CNTNAP2: variants seen among roughly 807,000 people sequenced by gnomAD.
CNTNAP2 encodes the protein contactin associated protein 2.
A neutral mutation model predicts 155.2 loss-of-function variants in CNTNAP2; 98 were observed. The observed-to-expected ratio is 0.63, with a 90% CI of 0.54 to 0.75. The LOEUF is 0.75. Among genes scored for constraint, CNTNAP2 ranks in the 30% least tolerant of loss-of-function variants. CNTNAP2 has a pLI of 0.00. For missense variants in CNTNAP2, 1,727 were observed against 1,688.1 expected, an observed-to-expected ratio of 1.02 and a Z score of -0.40; for synonymous variants, 651 against 631.2, an observed-to-expected ratio of 1.03 and a Z score of -0.47.
At chr7:147,299,128 C>G (rs1794893451) in intron 8 of CNTNAP2, among the ~76,000 whole-genome samples, 1 of 152,126 alleles carries the variant, frequency 6.6e-6, no homozygotes, top group Non-Finnish European at 1.5e-5. Flanking sequence ...CAAAATACCC[C>G]CCACCCACCA....
At chr7:146,151,410 A>G (rs1336901759) in intron 1 of CNTNAP2, among the ~76,000 whole-genome samples, 1 of 151,520 alleles carries the variant, frequency 6.6e-6, no homozygotes, top group Non-Finnish European at 1.5e-5. Context: ...CCCACCCAAT[A>G]CATAGTAACC....
intron 1 of CNTNAP2, among the ~76,000 whole-genome samples, chr7:146,305,054 G>T (rs1800684644): frequency 6.6e-6 from 1 of 151,822 alleles, no homozygotes. Flanking sequence ...TCTTCCACTT[G>T]ATCAAATAGG....
intron 4 of CNTNAP2, among the ~76,000 whole-genome samples, chr7:147,077,876 G>T (rs1584822765): frequency 1.3e-5 from 2 of 152,180 alleles, no homozygotes; most frequent in Admixed American, 1.3e-4. Flanking sequence ...ATTAAAATAG[G>T]CTTCAAGATA....
intron 13 of CNTNAP2, among the ~76,000 whole-genome samples, chr7:147,799,815 A>G (rs1797956663): frequency 6.6e-6 from 1 of 152,216 alleles, no homozygotes; most frequent in Non-Finnish European, 1.5e-5. Context: ...ATCAGCCTGA[A>G]AGGAAGATTG....
At chr7:147,217,114 C>T (rs1469935824) in intron 8 of CNTNAP2, among the ~76,000 whole-genome samples, 4 of 151,930 alleles carry the variant, frequency 2.6e-5, no homozygotes, top group African/African-American at 9.7e-5. Flanking sequence ...ACTATCATGT[C>T]ATCAGAAAAA....
intron 1 of CNTNAP2, among the ~76,000 whole-genome samples, chr7:146,756,258 ACT>A (rs1239762429): frequency 6.6e-6 from 1 of 151,952 alleles, no homozygotes; most frequent in East Asian, 1.9e-4. Context: ...CAAGTGGTTA[ACT>A]CTAATTTGTT....
chr7:148,111,912 A>G (rs751170030), intron 15 of CNTNAP2, among the ~76,000 whole-genome samples: 88 of 152,340 alleles, frequency 5.8e-4, no homozygotes, highest in Non-Finnish European at 8.2e-4. Flanking sequence ...ATGAGAGTGT[A>G]GACCTAGGAA....
At chr7:146,869,062 A>G (rs1795256817) in intron 3 of CNTNAP2, among the ~76,000 whole-genome samples, 2 of 152,136 alleles carry the variant, frequency 1.3e-5, no homozygotes, top group South Asian at 4.1e-4. Flanking sequence ...GTGGAATACA[A>G]ATATTGAGAG....
intron 10 of CNTNAP2, among the ~76,000 whole-genome samples, chr7:147,422,153 T>C (rs1219447955): frequency 6.7e-6 from 1 of 148,158 alleles, no homozygotes; most frequent in African/African-American, 2.5e-5. Context: ...ATAGTATGTA[T>C]ATATACAGTA....
intron 14 of CNTNAP2, among the ~76,000 whole-genome samples, chr7:147,947,227 C>A (rs1201313639): frequency 2.0e-5 from 3 of 152,074 alleles, no homozygotes; most frequent in African/African-American, 7.2e-5. Flanking sequence ...GTCTCCTCTT[C>A]TCCAGTGGTT....
At chr7:146,532,943 T>C (rs781407708) in intron 1 of CNTNAP2, among the ~76,000 whole-genome samples, 2 of 150,644 alleles carry the variant, frequency 1.3e-5, no homozygotes, top group Non-Finnish European at 3.0e-5. Flanking sequence ...TAAATAAAAA[T>C]AAAAATAAAT....
chr7:147,802,144 C>T (rs1210606440), intron 13 of CNTNAP2, among the ~76,000 whole-genome samples: 10 of 150,660 alleles, frequency 6.6e-5, no homozygotes, highest in South Asian at 6.3e-4. Context: ...GACGGGGTCG[C>T]GGCCGGGCAG....
At chr7:147,255,637 A>G (rs1804306731) in intron 8 of CNTNAP2, among the ~76,000 whole-genome samples, 1 of 152,234 alleles carries the variant, frequency 6.6e-6, no homozygotes, top group Admixed American at 6.5e-5. Flanking sequence ...GCCATATAAA[A>G]AAAATGGAGA....
At chr7:146,626,248 C>T (rs1799417239) in intron 1 of CNTNAP2, among the ~76,000 whole-genome samples, 1 of 151,834 alleles carries the variant, frequency 6.6e-6, no homozygotes, top group African/African-American at 2.4e-5. Context: ...GGTATTTCAC[C>T]CTAATTCTAT....
At chr7:147,001,265 G>T (rs1798416120) in intron 3 of CNTNAP2, among the ~76,000 whole-genome samples, 1 of 151,976 alleles carries the variant, frequency 6.6e-6, no homozygotes, top group African/African-American at 2.4e-5. Context: ...TGTCGAAATT[G>T]ATGTTTCTTC....
At chr7:148,226,476 C>G (rs1427260528) in intron 19 of CNTNAP2, among the ~76,000 whole-genome samples, 1 of 152,094 alleles carries the variant, frequency 6.6e-6, no homozygotes, top group East Asian at 1.9e-4. Context: ...AAGGAACGAC[C>G]GTCTCCCAAT....
chr7:147,300,338 G>C (rs1794920918), intron 9 of CNTNAP2, 48 bp downstream of exon 9: 3 of 1,606,420 alleles, frequency 1.9e-6, no homozygotes, highest in Non-Finnish European at 8.5e-7. Context: ...CAAAAAATGA[G>C]GTTTCAAAAT....
intron 3 of CNTNAP2, among the ~76,000 whole-genome samples, chr7:146,901,149 C>G (rs1203536482): frequency 6.6e-6 from 1 of 151,864 alleles, no homozygotes; most frequent in Non-Finnish European, 1.5e-5. Flanking sequence ...ACAGAAAAAT[C>G]CACTTAATGC....
At chr7:146,839,983 T>C (rs1232462649) in intron 3 of CNTNAP2, 79 bp downstream of exon 3, 2 of 1,445,582 alleles carry the variant, frequency 1.4e-6, no homozygotes, top group African/African-American at 1.4e-5. Flanking sequence ...ACTAAGCATA[T>C]ATAGTTATCA....
Sources: gnomAD v4.1 joint callset for allele counts (sites outside exome capture counted in the v4.1 genomes callset) on GRCh38, gnomAD v4.1.1 for gene constraint, MANE v1.5 for transcripts, NCBI Gene and HGNC (gene_info 2026-07-23, HGNC 2026-07-21) for gene names.